The following COL22A1 variants were observed in gnomAD, a reference collection of about 807,000 sequenced individuals.
COL22A1 encodes the protein collagen type XXII alpha 1 chain.
COL22A1 carries 221 observed loss-of-function variants against 248.9 expected under a neutral mutation model. The ratio of observed to expected loss-of-function variants is 0.89; its 90% CI spans 0.80 to 0.99. The LOEUF (loss-of-function observed/expected upper bound fraction) is 0.99. COL22A1 is among the 50% of genes least tolerant of loss of function. The pLI, the probability that COL22A1 is intolerant of heterozygous loss-of-function variation, is 0.00. For synonymous variants in COL22A1, 891 were observed against 793.4 expected (o/e 1.12, Z -2.07); for missense variants, 2,240 against 2,179.0 (o/e 1.03, Z -0.56).
intron 16 of COL22A1, 117 bp downstream of exon 16, chr8:138,775,849 C>T (rs1316884176): frequency 2.1e-6 from 2 of 975,480 alleles, no homozygotes; most frequent in East Asian, 2.4e-5. Flanking sequence ...CATGTGCACA[C>T]ATGCACACAC....
chr8:138,670,258 C>T (rs1824900712), intron 41 of COL22A1, among the ~76,000 whole-genome samples: 1 of 152,188 alleles, frequency 6.6e-6, no homozygotes, highest in Non-Finnish European at 1.5e-5. Flanking sequence ...TGAAGCAATA[C>T]AGGAGCCCTG....
chr8:138,647,428 G>C (rs1822301896), intron 46 of COL22A1, among the ~76,000 whole-genome samples: 1 of 152,218 alleles, frequency 6.6e-6, no homozygotes, highest in Admixed American at 6.5e-5. Context: ...CTGTAATGTA[G>C]TGATAGATAA....
chr8:138,668,228 A>G (rs1345161849), intron 41 of COL22A1, among the ~76,000 whole-genome samples: 1 of 152,170 alleles, frequency 6.6e-6, no homozygotes, highest in East Asian at 1.9e-4. Context: ...TCTACAGACA[A>G]AATGTGTCTG....
chr8:138,643,609 T>TATAGATAGATAGATAGATAGATAG (rs57015617), intron 47 of COL22A1, among the ~76,000 whole-genome samples: 56 of 146,640 alleles, frequency 3.8e-4, no homozygotes, highest in East Asian at 1.4e-3. Context: ...CCCTATGCAA[T>TATAGATAGATAGATAGATAGATAG]ATAGATAGAT....
At chr8:138,688,230 A>G (rs1826521358) in intron 37 of COL22A1, among the ~76,000 whole-genome samples, 1 of 151,920 alleles carries the variant, frequency 6.6e-6, no homozygotes, top group Admixed American at 6.6e-5. Context: ...ATTAATAATT[A>G]AAATCTCAGG....
At chr8:138,706,228 C>T (rs995872090) in intron 30 of COL22A1, among the ~76,000 whole-genome samples, 54 of 152,246 alleles carry the variant, frequency 3.5e-4, no homozygotes, top group African/African-American at 1.3e-3. Flanking sequence ...GACAGATCAA[C>T]AAGACAGAAA....
At chr8:138,743,191 G>C (rs1347517638) in intron 22 of COL22A1, among the ~76,000 whole-genome samples, 1 of 151,418 alleles carries the variant, frequency 6.6e-6, no homozygotes, top group Non-Finnish European at 1.5e-5. Context: ...TGGAGTTGAT[G>C]GTGATGATGA....
intron 23 of COL22A1, among the ~76,000 whole-genome samples, chr8:138,728,326 T>A (rs1170003493): frequency 6.6e-6 from 1 of 151,960 alleles, no homozygotes. Flanking sequence ...GTGATCTAAT[T>A]TTACCTCAAC....
At chr8:138,652,567 A>G (rs1223442872) in intron 45 of COL22A1, among the ~76,000 whole-genome samples, 1 of 151,998 alleles carries the variant, frequency 6.6e-6, no homozygotes, top group African/African-American at 2.4e-5. Flanking sequence ...CTCACCTGTA[A>G]AAAAGGATCA....
At chr8:138,843,930 A>G (rs1234924238) in intron 4 of COL22A1, among the ~76,000 whole-genome samples, 154 bp downstream of exon 4, 4 of 152,188 alleles carry the variant, frequency 2.6e-5, no homozygotes, top group Non-Finnish European at 5.9e-5. Flanking sequence ...GAGAGCTGCC[A>G]CCTGCACGAT....
intron 1 of COL22A1, among the ~76,000 whole-genome samples, chr8:138,912,278 T>C (rs1815504245): frequency 6.6e-6 from 1 of 152,320 alleles, no homozygotes. Context: ...GCGTACCCCA[T>C]GCAGCAGGCC....
chr8:138,909,895 T>C (rs1404772905), intron 1 of COL22A1, among the ~76,000 whole-genome samples: 1 of 152,174 alleles, frequency 6.6e-6, no homozygotes, highest in Non-Finnish European at 1.5e-5. Context: ...ACCATCAAAA[T>C]ACCAATGCCC....
chr8:138,722,526 A>C (rs1350351248), intron 25 of COL22A1, among the ~76,000 whole-genome samples: 1 of 152,148 alleles, frequency 6.6e-6, no homozygotes. Context: ...TCCTTCAAAA[A>C]AGCAAAACCT....
intron 1 of COL22A1, among the ~76,000 whole-genome samples, chr8:138,888,966 G>C (rs1458743392): frequency 6.6e-6 from 1 of 152,162 alleles, no homozygotes; most frequent in Non-Finnish European, 1.5e-5. Flanking sequence ...GGGTAGCCAG[G>C]AGTCATTCAT....
At chr8:138,722,856 G>GCA (rs1554601724) in intron 25 of COL22A1, among the ~76,000 whole-genome samples, 1 of 128,392 alleles carries the variant, frequency 7.8e-6, no homozygotes, top group African/African-American at 2.8e-5. Context: ...GGGGCGGGGG[G>GCA]GGGGTGGTGG....
chr8:138,726,794 G>A (rs531744340), intron 23 of COL22A1, among the ~76,000 whole-genome samples: 18 of 152,340 alleles, frequency 1.2e-4, no homozygotes, highest in Admixed American at 8.5e-4. Flanking sequence ...GCACAGGGCA[G>A]ATGGAGGCTG....
chr8:138,663,713 C>T lies in COL22A1; in HGVS notation c.3178G>A (p.Gly1060Arg), dbSNP rs749870370. The T allele has an allele frequency of 6.2e-7, 1 of 1,610,144 alleles. No individual in the cohort carries two copies. Among genetic ancestry groups the T allele is most frequent in the Admixed American group, 1.7e-5 (1 of 60,016 alleles). ...PGPSGPPGDKGSPGSRGLPGF... is the reference protein window; with the variant it reads ...PGPSGPPGDKRSPGSRGLPGF... ...TTTAAAGCATACTGTACCGGGGATC[C>T]TTTGTCTCCTGGTGGTCCGGAAGGG... The change falls in exon 42 of 65, where the codon GGA (glycine) becomes AGA (arginine). Residue 1060 changes from glycine (G) to arginine (R), a missense_variant. Coordinates refer to ENST00000303045, the MANE Select transcript of COL22A1 (RefSeq NM_152888.3).
In COL22A1 at chr8:138,663,016, T is replaced by TA. The variant is rs1824116683; in HGVS notation, c.3186+688_3186+689insT. Reference sequence around the variant, plus strand: ...GGTTGACAGAGCAGGACTCTGTCACTCACACACACACACACACACAAAGCA... The same window carrying TA: ...GGTTGACAGAGCAGGACTCTGTCACTACACACACACACACACACACAAAGCA... On this transcript the variant is annotated intron_variant, in intron 42 of 64. Coordinates refer to ENST00000303045, the MANE Select transcript of COL22A1 (RefSeq NM_152888.3). Among the ~76,000 whole-genome samples the TA allele has an allele frequency of 2.0e-5, 3 of 148,738 alleles. No homozygotes were observed. In the East Asian group the frequency reaches 6.0e-4, roughly 30 times the overall value.
intron 3 of COL22A1, among the ~76,000 whole-genome samples, chr8:138,861,578 G>C (rs1216750134): frequency 1.3e-5 from 2 of 152,166 alleles, no homozygotes; most frequent in Non-Finnish European, 2.9e-5. Context: ...ACATGTTCCT[G>C]GGTCTCGCCT....
Sources: allele counts gnomAD v4.1 joint callset (sites outside exome capture counted in the v4.1 genomes callset), GRCh38; gene constraint gnomAD v4.1.1; transcripts MANE v1.5; gene names NCBI Gene and HGNC (gene_info 2026-07-23, HGNC 2026-07-21).